Variants in TYW1 observed in about 807,000 individuals in gnomAD.
TYW1 encodes S-adenosyl-L-methionine-dependent tRNA 4-demethylwyosine synthase TYW1.
In TYW1, 46 loss-of-function variants were observed where a neutral mutation model predicts 96.2. That is an observed-to-expected ratio of 0.48 (90% CI 0.38 to 0.61). TYW1 has a LOEUF of 0.61. Ranked by LOEUF, TYW1 falls within the 20% of genes least tolerant of loss-of-function variation. The probability of loss-of-function intolerance (pLI) is 0.00; values close to 1 mark genes in which losing one functional copy is unlikely to be tolerated. For synonymous variants in TYW1, 274 were observed against 323.0 expected (o/e 0.85, Z 1.63); for missense variants, 684 against 909.6 (o/e 0.75, Z 3.19).
intron 13 of TYW1, among the ~76,000 whole-genome samples, chr7:67,149,965 C>T (rs1205708164): frequency 1.3e-5 from 2 of 151,850 alleles, no homozygotes; most frequent in African/African-American, 4.9e-5. Context: ...TTTATGTCAC[C>T]AGAAAGCACA....
intron 13 of TYW1, among the ~76,000 whole-genome samples, chr7:67,163,015 G>T (rs562456644): frequency 6.6e-6 from 1 of 152,084 alleles, no homozygotes; most frequent in African/African-American, 2.4e-5. Context: ...GTCTTCAGCT[G>T]TTTACATTTT....
At chr7:67,073,226 C>T (rs1469970116) in intron 10 of TYW1, among the ~76,000 whole-genome samples, 6 of 152,106 alleles carry the variant, frequency 3.9e-5, no homozygotes, top group East Asian at 3.9e-4. Flanking sequence ...TTGTCCCATA[C>T]GGAGATTTGG....
intron 15 of TYW1, among the ~76,000 whole-genome samples, chr7:67,212,644 G>C (rs1260808413): frequency 6.6e-6 from 1 of 150,762 alleles, no homozygotes; most frequent in Non-Finnish European, 1.5e-5. Context: ...ATCCTTGCCA[G>C]AATTTGGTGT....
Position 67,238,399 on chromosome 7 carries a change from C to G in TYW1, c.2069C>G (p.Thr690Arg). ...TATGAAGATAGTGGTGGATCAAAAA[C>G]GTTCAGCGCAAAGGATTATATGGCC... ...QEYEDSGGSK[T>R]FSAKDYMART... The change falls in exon 16 of 16, where the codon ACG (threonine) becomes AGG (arginine). Residue 690 changes from threonine (T) to arginine (R), a missense_variant. Coordinates refer to ENST00000359626, the MANE Select transcript of TYW1 (RefSeq NM_018264.4). The G allele has an allele frequency of 1.9e-6, 3 of 1,613,732 alleles. No individual in the cohort carries two copies. Among genetic ancestry groups the G allele is most frequent in the Non-Finnish European group, 2.5e-6 (3 of 1,179,838 alleles).
chr7:67,226,795 C>T (rs1168640310), intron 15 of TYW1, among the ~76,000 whole-genome samples: 2 of 152,160 alleles, frequency 1.3e-5, no homozygotes, highest in Non-Finnish European at 2.9e-5. Flanking sequence ...AATCACCCCT[C>T]AGTATTCCAA....
chr7:67,103,043 G>A (rs1797136548), intron 12 of TYW1, among the ~76,000 whole-genome samples: 1 of 152,118 alleles, frequency 6.6e-6, no homozygotes, highest in Non-Finnish European at 1.5e-5. Flanking sequence ...CATTTTTTAG[G>A]GTATGTCCTT....
intron 9 of TYW1, among the ~76,000 whole-genome samples, chr7:67,057,374 G>GT (rs1281847034): frequency 1.5e-3 from 204 of 138,628 alleles, no homozygotes; most frequent in East Asian, 5.7e-3. Flanking sequence ...CATTTTTTTT[G>GT]TTTTTTTTTT....
Position 67,213,541 on chromosome 7 carries a change from A to G in TYW1, c.1977+18204A>G, listed in dbSNP as rs1198718132. On this transcript the variant is annotated intron_variant, in intron 15 of 15. Coordinates refer to ENST00000359626, the MANE Select transcript of TYW1 (RefSeq NM_018264.4). ...GAGCAAATGTTTTCAATTTTAATAA[A>G]GTCCAACTGACTAATTTTTTGTCAT... Among the ~76,000 whole-genome samples, 4 of 152,222 alleles carry G rather than the reference A, an allele frequency of 2.6e-5. No individual in the cohort carries two copies. In the East Asian group the frequency reaches 7.7e-4, roughly 29 times the overall value.
chr7:67,115,240 CTTTTT>C (rs61078524), intron 12 of TYW1, among the ~76,000 whole-genome samples: 3 of 134,884 alleles, frequency 2.2e-5, no homozygotes, highest in Non-Finnish European at 1.6e-5. Flanking sequence ...TAAGACAGTC[CTTTTT>C]TTTTTTTTTT....
chr7:67,085,579 T>C (rs1209301887), intron 11 of TYW1, among the ~76,000 whole-genome samples: 1 of 152,212 alleles, frequency 6.6e-6, no homozygotes, highest in African/African-American at 2.4e-5. Context: ...TTTATAGCAG[T>C]ATGAAAATGG....
At position 67,069,225 on chromosome 7, in the gene TYW1, T is replaced by C. The variant is rs1795961341; in HGVS notation, c.1274+1822T>C. 1.3e-5 allele frequency among the ~76,000 whole-genome samples: 2 copies of C among 152,210 alleles called. 1 individual carries two copies. Among genetic ancestry groups the C allele is most frequent in the South Asian group, 4.1e-4 (2 of 4,830 alleles). ...TTACAAATATGAAATCAGATATTAA[T>C]GGGATTGACTATTTTGAATTGGTAA... On this transcript the variant is annotated intron_variant, in intron 10 of 15. Transcript: ENST00000359626.
chr7:67,049,994 A>C lies in TYW1; in HGVS notation c.1030A>C (p.Met344Leu). 1.2e-6 allele frequency: 2 copies of C among 1,614,138 alleles called. No individual in the cohort carries two copies. Among genetic ancestry groups the C allele is most frequent in the South Asian group, 1.1e-5 (1 of 91,086 alleles). ...QEEKSGLFRN[M>L]GRNEDGERRA... ...AGAGAAGTCTGGTTTGTTCAGGAAC[A>C]TGGGGAGGAATGAAGATGGTGAAAG... The change falls in exon 8 of 16, where the codon ATG (methionine) becomes CTG (leucine). Residue 344 changes from methionine to leucine, a missense_variant. Physicochemically the swap from Met to Leu is conservative, Grantham distance 15. Coordinates refer to ENST00000359626, the MANE Select transcript of TYW1 (RefSeq NM_018264.4).
In TYW1 at chr7:67,041,735, G is replaced by T. The variant is rs562212971; in HGVS notation, c.985-8214G>T. ...AGTACGTGCCAGTGCTTAAGAGTTG[G>T]GTCGAAGCACTGTCATTGTAAGACT... On this transcript the variant is annotated intron_variant, in intron 7 of 15. Transcript: ENST00000359626. 1.1e-4 allele frequency among the ~76,000 whole-genome samples: 16 copies of T among 152,164 alleles called. 1 individual carries two copies. In the South Asian group the frequency reaches 3.3e-3, roughly 32 times the overall value.
chr7:66,997,107 C>T (rs1793193614), intron 1 of TYW1, 125 bp downstream of exon 1: 1 of 1,540,630 alleles, frequency 6.5e-7, no homozygotes, highest in Non-Finnish European at 8.8e-7. Context: ...CTTGACAGCA[C>T]CGGCTAGTCG....
At chr7:67,221,347 T>C (rs1801386267) in intron 15 of TYW1, among the ~76,000 whole-genome samples, 1 of 152,236 alleles carries the variant, frequency 6.6e-6, no homozygotes, top group South Asian at 2.1e-4. Flanking sequence ...GAATACCTTT[T>C]TCCATCCTTT....
At chr7:67,221,263 T>TTTTTA (rs2116419139) in intron 15 of TYW1, among the ~76,000 whole-genome samples, 1 of 152,346 alleles carries the variant, frequency 6.6e-6, no homozygotes, top group East Asian at 1.9e-4. Context: ...TTTCATAACC[T>TTTTTA]TTTTAATTCA....
intron 6 of TYW1, 47 bp downstream of exon 6, chr7:67,018,190 G>T: frequency 6.3e-7 from 1 of 1,581,244 alleles, no homozygotes; most frequent in Admixed American, 1.7e-5. Flanking sequence ...TCTTCTGCTT[G>T]GAGATCTCGA....
chr7:67,130,304 C>T (rs1203922275), intron 13 of TYW1, among the ~76,000 whole-genome samples: 1 of 151,552 alleles, frequency 6.6e-6, no homozygotes, highest in African/African-American at 2.4e-5. Context: ...TCACCTGAAC[C>T]CGGGAGGCGG....
At chr7:67,077,194 C>T (rs1435673898) in intron 10 of TYW1, among the ~76,000 whole-genome samples, 1 of 152,204 alleles carries the variant, frequency 6.6e-6, no homozygotes, top group African/African-American at 2.4e-5. Flanking sequence ...GTGAATAGTG[C>T]TGCCATAAGC....
Sources: gnomAD v4.1 joint callset for allele counts (sites outside exome capture counted in the v4.1 genomes callset) on GRCh38, gnomAD v4.1.1 for gene constraint, MANE v1.5 for transcripts, NCBI Gene and HGNC (gene_info 2026-07-23, HGNC 2026-07-21) for gene names.